The following CPNE8 variants were observed in gnomAD, a reference collection of about 807,000 sequenced individuals.
The protein encoded by CPNE8 is copine 8, also known as copine-8.
In CPNE8, 45 loss-of-function variants were observed where a neutral mutation model predicts 81.5. The observed-to-expected ratio is 0.55, with a 90% CI of 0.44 to 0.71. The LOEUF is 0.71. CPNE8 is among the 30% of genes least tolerant of loss of function. The probability of loss-of-function intolerance (pLI) is 0.00; values close to 1 mark genes in which losing one functional copy is unlikely to be tolerated. For missense variants in CPNE8, 594 were observed against 672.1 expected (o/e 0.88, Z 1.28); for synonymous variants, 252 against 226.3 (o/e 1.11, Z -1.02).
At chr12:38,770,267 T>G (rs1202940319) in intron 7 of CPNE8, among the ~76,000 whole-genome samples, 2 of 152,180 alleles carry the variant, frequency 1.3e-5, no homozygotes, top group Non-Finnish European at 2.9e-5. Flanking sequence ...GGCATTGTCA[T>G]TCACTCAAGT....
intron 10 of CPNE8, among the ~76,000 whole-genome samples, chr12:38,743,154 A>C (rs1169685694): frequency 6.6e-6 from 1 of 152,102 alleles, no homozygotes; most frequent in African/African-American, 2.4e-5. Flanking sequence ...TATATCAAAA[A>C]AGCAAACCCG....
chr12:38,766,862 G>A (rs1941702330), intron 8 of CPNE8, among the ~76,000 whole-genome samples: 1 of 152,006 alleles, frequency 6.6e-6, no homozygotes, highest in Admixed American at 6.6e-5. Flanking sequence ...TTTTTGTATA[G>A]TAACTAATTT....
chr12:38,670,877 C>T (rs1360522249), intron 18 of CPNE8, 75 bp from the exon 19 acceptor site: 1 of 1,084,962 alleles, frequency 9.2e-7, no homozygotes, highest in Non-Finnish European at 1.4e-6. Context: ...ACAAGGAAAT[C>T]AAGATGTATG....
intron 16 of CPNE8, among the ~76,000 whole-genome samples, chr12:38,678,466 G>C (rs778103495): frequency 2.6e-5 from 4 of 151,732 alleles, no homozygotes; most frequent in Non-Finnish European, 4.4e-5. Flanking sequence ...GGTTCTCTTA[G>C]GAGATAGGAT....
chr12:38,706,590 C>G (rs562389246), intron 13 of CPNE8, among the ~76,000 whole-genome samples: 1 of 151,942 alleles, frequency 6.6e-6, no homozygotes, highest in East Asian at 1.9e-4. Context: ...TTATTTTATT[C>G]AAATAACACC....
At chr12:38,759,954 A>C (rs756261643) in intron 10 of CPNE8, among the ~76,000 whole-genome samples, 1 of 152,172 alleles carries the variant, frequency 6.6e-6, no homozygotes, top group Non-Finnish European at 1.5e-5. Context: ...TCAGGTATCC[A>C]GGCACTTTCA....
At chr12:38,889,692 G>A (rs536566906) in intron 1 of CPNE8, among the ~76,000 whole-genome samples, 1 of 152,314 alleles carries the variant, frequency 6.6e-6, no homozygotes, top group African/African-American at 2.4e-5. Context: ...AGGAGGAGAA[G>A]GTTGGCCAGA....
intron 10 of CPNE8, among the ~76,000 whole-genome samples, chr12:38,742,751 T>G (rs536997359): frequency 6.6e-6 from 1 of 151,644 alleles, no homozygotes; most frequent in Admixed American, 6.6e-5. Context: ...CATCAGAAAT[T>G]TCTTCTGTTG....
At chr12:38,696,295 T>C (rs2136677695) in intron 14 of CPNE8, among the ~76,000 whole-genome samples, 1 of 152,046 alleles carries the variant, frequency 6.6e-6, no homozygotes, top group Non-Finnish European at 1.5e-5. Context: ...GTCTCACACA[T>C]ACTAGACAAC....
chr12:38,693,572 C>A lies in CPNE8; in HGVS notation c.1143+85G>T, dbSNP rs1939726019. The A allele has an allele frequency of 8.3e-6, 10 of 1,201,830 alleles. No individual in the cohort carries two copies. The East Asian group carries it at 2.5e-4, about 30-fold the overall frequency. The allele number at this position is 1,201,830 out of a possible 1,614,324, so 74.4% of individuals were successfully genotyped here. On this transcript the variant is annotated intron_variant, in intron 15 of 19. Transcript: ENST00000331366. ...ACAGTCAGTAAAGCTTGCTACTTGA[C>A]TGACTAAAGAATAAGTACCAAAGCA...
intron 17 of CPNE8, 78 bp downstream of exon 17, chr12:38,677,374 T>A (rs1393238769): frequency 3.1e-5 from 24 of 786,504 alleles, no homozygotes; most frequent in South Asian, 2.8e-4. Flanking sequence ...TATTGTTAAC[T>A]AGAATAGACT....
intron 5 of CPNE8, among the ~76,000 whole-genome samples, chr12:38,835,710 T>G (rs1442198265): frequency 2.6e-5 from 4 of 152,166 alleles, no homozygotes; most frequent in Non-Finnish European, 1.5e-5. Flanking sequence ...GAAAATCCAT[T>G]TCATGGTCCA....
chr12:38,767,394 GT>G (rs1941711813), intron 8 of CPNE8, among the ~76,000 whole-genome samples: 4 of 151,972 alleles, frequency 2.6e-5, no homozygotes, highest in Admixed American at 2.6e-4. Flanking sequence ...TGTTATAATT[GT>G]ATAACAAATA....
chr12:38,902,127 C>A, intron 1 of CPNE8, among the ~76,000 whole-genome samples: 1 of 132,430 alleles, frequency 7.6e-6, no homozygotes, highest in Non-Finnish European at 1.6e-5. Flanking sequence ...TGATAGGGGA[C>A]AGTGAAAGGA....
chr12:38,795,275 A>T (rs1942432589), intron 6 of CPNE8, among the ~76,000 whole-genome samples: 1 of 152,198 alleles, frequency 6.6e-6, no homozygotes. Context: ...TATATATCCT[A>T]TTAGTTCTGT....
At chr12:38,858,901 C>G (rs958543102) in intron 3 of CPNE8, among the ~76,000 whole-genome samples, 12 of 152,126 alleles carry the variant, frequency 7.9e-5, no homozygotes, top group African/African-American at 2.9e-4. Context: ...AAGCACTGGA[C>G]AAAATTCTAC....
intron 6 of CPNE8, among the ~76,000 whole-genome samples, chr12:38,824,601 G>C (rs1943160144): frequency 1.3e-5 from 2 of 151,808 alleles, no homozygotes; most frequent in African/African-American, 4.8e-5. Flanking sequence ...GAAGTATTCT[G>C]AATAACTTAG....
At chr12:38,855,867 TA>T (rs1943723800) in intron 3 of CPNE8, among the ~76,000 whole-genome samples, 1 of 151,752 alleles carries the variant, frequency 6.6e-6, no homozygotes, top group South Asian at 2.1e-4. Flanking sequence ...AATTAAAAGT[TA>T]AAACAAAACC....
At chr12:38,833,636 G>T (rs1160829225) in intron 5 of CPNE8, among the ~76,000 whole-genome samples, 2 of 151,520 alleles carry the variant, frequency 1.3e-5, no homozygotes, top group Non-Finnish European at 2.9e-5. Flanking sequence ...TCGTCACCAC[G>T]CCCAGCTAAT....
Sources: gnomAD v4.1 joint callset for allele counts (sites outside exome capture counted in the v4.1 genomes callset) on GRCh38, gnomAD v4.1.1 for gene constraint, MANE v1.5 for transcripts, NCBI Gene and HGNC (gene_info 2026-07-23, HGNC 2026-07-21) for gene names.